Variants in CFAP299 observed in about 807,000 individuals in gnomAD.
CFAP299 encodes cilia- and flagella-associated protein 299.
Under a neutral mutation model 27.0 loss-of-function variants are expected in CFAP299, and 21 were observed. That is an observed-to-expected ratio of 0.78 (90% CI 0.55 to 1.12). The LOEUF (loss-of-function observed/expected upper bound fraction) is 1.12. Among genes scored for constraint, CFAP299 ranks in the 50% most tolerant of loss-of-function variants. The pLI is 0.00. For synonymous variants in CFAP299, 104 were observed against 98.1 expected, an observed-to-expected ratio of 1.06 and a Z score of -0.36; for missense variants, 310 against 276.6, an observed-to-expected ratio of 1.12 and a Z score of -0.86.
At chr4:80,553,776 C>A (rs998582829) in intron 2 of CFAP299, among the ~76,000 whole-genome samples, 1 of 152,034 alleles carries the variant, frequency 6.6e-6, no homozygotes, top group Non-Finnish European at 1.5e-5. Context: ...TTTTCATATG[C>A]TTGTTGGCTG....
At chr4:80,535,277 A>G (rs1481214878) in intron 2 of CFAP299, among the ~76,000 whole-genome samples, 1 of 152,116 alleles carries the variant, frequency 6.6e-6, no homozygotes, top group Non-Finnish European at 1.5e-5. Flanking sequence ...GATACCTGAA[A>G]GGGGACCCTT....
intron 4 of CFAP299, among the ~76,000 whole-genome samples, chr4:80,912,423 C>T (rs545660253): frequency 4.6e-5 from 7 of 152,214 alleles, no homozygotes; most frequent in African/African-American, 1.7e-4. Context: ...CCTTGGAGAA[C>T]ACCTCACCAT....
chr4:80,762,788 G>A (rs1725609625), intron 3 of CFAP299, among the ~76,000 whole-genome samples: 1 of 152,036 alleles, frequency 6.6e-6, no homozygotes, highest in Non-Finnish European at 1.5e-5. Context: ...ATTTTCCCAG[G>A]GCAGCCAGCA....
chr4:80,537,833 C>CA (rs70944787), intron 2 of CFAP299, among the ~76,000 whole-genome samples: 16,361 of 145,946 alleles, frequency 0.11, 1,063 homozygotes, highest in Middle Eastern at 0.2. Context: ...ATGTTCTCTC[C>CA]AAAAAAAAAA....
rs1037834327 is a variant in CFAP299, at chr4:80,458,093, GT to G, written c.242+95212del. On this transcript the variant is annotated intron_variant, in intron 2 of 5. Coordinates refer to ENST00000358105, the MANE Select transcript of CFAP299 (RefSeq NM_152770.3). ...GCTCTGAATGCTCAGTTTTTAGCCCGTTTATACTCCAGAAAAAAAAGAAAGA... is the reference window on the plus strand; with the variant it reads ...GCTCTGAATGCTCAGTTTTTAGCCCGTTATACTCCAGAAAAAAAAGAAAGA... Among the ~76,000 whole-genome samples the G allele has an allele frequency of 4.9e-4, 75 of 151,648 alleles. 1 individual carries two copies. Among genetic ancestry groups the G allele is most frequent in the African/African-American group, 1.7e-3 (72 of 41,318 alleles).
Position 80,695,840 on chromosome 4 carries a change from T to C in CFAP299, c.333+112657T>C, listed in dbSNP as rs563382814. Reference sequence around the variant, plus strand: ...CAGGATAACTTTTGTATTTTTTTAATAGAGATAAGATTTCACTGTGTTGCC... The same window carrying C: ...CAGGATAACTTTTGTATTTTTTTAACAGAGATAAGATTTCACTGTGTTGCC... On this transcript the variant is annotated intron_variant, in intron 3 of 5. Coordinates refer to ENST00000358105, the MANE Select transcript of CFAP299 (RefSeq NM_152770.3). Among the ~76,000 whole-genome samples the C allele has an allele frequency of 4.3e-4, 65 of 152,140 alleles. 4 individuals are homozygous for C. The South Asian group carries it at 0.011, about 26-fold the overall frequency.
At chr4:80,833,929 A>G (rs1267562116) in intron 3 of CFAP299, among the ~76,000 whole-genome samples, 1 of 152,240 alleles carries the variant, frequency 6.6e-6, no homozygotes, top group African/African-American at 2.4e-5. Flanking sequence ...TGGAAGCTAA[A>G]GAGACCATTC....
chr4:80,451,407 C>G (rs111686545), intron 2 of CFAP299, among the ~76,000 whole-genome samples: 2 of 152,190 alleles, frequency 1.3e-5, no homozygotes, highest in African/African-American at 4.8e-5. Context: ...TCAACAAACA[C>G]ATGAATTTTG....
At chr4:80,836,217 C>G (rs897287353) in intron 3 of CFAP299, among the ~76,000 whole-genome samples, 4 of 152,152 alleles carry the variant, frequency 2.6e-5, no homozygotes, top group Non-Finnish European at 4.4e-5. Context: ...TTGAATAACA[C>G]TTTCTAATAC....
chr4:80,644,755 C>T (rs1037305579), intron 3 of CFAP299, among the ~76,000 whole-genome samples: 1 of 152,122 alleles, frequency 6.6e-6, no homozygotes, highest in Non-Finnish European at 1.5e-5. Context: ...AAGCTGCTGC[C>T]TCTGGAATTG....
intron 2 of CFAP299, among the ~76,000 whole-genome samples, chr4:80,463,651 C>G (rs1455720471): frequency 6.6e-6 from 1 of 152,058 alleles, no homozygotes; most frequent in Non-Finnish European, 1.5e-5. Context: ...CTCACATGGT[C>G]TCTTCTAAAA....
intron 2 of CFAP299, among the ~76,000 whole-genome samples, chr4:80,552,864 T>A (rs1202005082): frequency 6.6e-6 from 1 of 152,034 alleles, no homozygotes; most frequent in Non-Finnish European, 1.5e-5. Context: ...ATTTTTAAAG[T>A]TTTTAGAGAT....
At chr4:80,493,094 GAC>G (rs1286838929) in intron 2 of CFAP299, among the ~76,000 whole-genome samples, 1 of 152,178 alleles carries the variant, frequency 6.6e-6, no homozygotes, top group Non-Finnish European at 1.5e-5. Context: ...AGACATGCTT[GAC>G]ACAGTCTTTT....
rs1725145315 is a variant in CFAP299, at chr4:80,388,467, C to G, written c.242+25583C>G. 2.8e-6 allele frequency: 3 copies of G among 1,066,094 alleles called. No homozygotes were observed. In the Admixed American group the frequency reaches 5.3e-5, roughly 19 times the overall value. The allele number at this position is 1,066,094 out of a possible 1,614,324, so 66.0% of individuals were successfully genotyped here. On this transcript the variant is annotated intron_variant, in intron 2 of 5. Transcript: ENST00000358105. The stretch of plus-strand genomic sequence containing the variant: ...CTGTTGGTGACCAGCGAGACTGTGT[C>G]CAGGTCGGGGGCATTTCTTTGGCAC...
chr4:80,537,628 A>G (rs1176327069), intron 2 of CFAP299, among the ~76,000 whole-genome samples: 1 of 152,142 alleles, frequency 6.6e-6, no homozygotes, highest in East Asian at 1.9e-4. Flanking sequence ...GTGGAATCTA[A>G]AAGAGTTGAG....
At chr4:80,663,864 A>G (rs1251558617) in intron 3 of CFAP299, among the ~76,000 whole-genome samples, 1 of 151,876 alleles carries the variant, frequency 6.6e-6, no homozygotes, top group African/African-American at 2.4e-5. Context: ...TGTGGTTTTG[A>G]TTTGCATTTC....
chr4:80,439,517 G>T (rs1278542444), intron 2 of CFAP299, among the ~76,000 whole-genome samples: 1 of 152,232 alleles, frequency 6.6e-6, no homozygotes, highest in Non-Finnish European at 1.5e-5. Flanking sequence ...ATACGGCCCA[G>T]ATACTATGCT....
chr4:80,657,277 G>A (rs2109976933), intron 3 of CFAP299, among the ~76,000 whole-genome samples: 1 of 152,170 alleles, frequency 6.6e-6, no homozygotes, highest in East Asian at 1.9e-4. Flanking sequence ...ATTGCTTTTG[G>A]TGTTTTAGTC....
intron 5 of CFAP299, among the ~76,000 whole-genome samples, chr4:80,949,320 T>TA (rs1222770665): frequency 6.6e-6 from 1 of 152,122 alleles, no homozygotes; most frequent in African/African-American, 2.4e-5. Context: ...CAGAAAATGA[T>TA]ACATTGCACA....
Sources: allele counts gnomAD v4.1 joint callset (sites outside exome capture counted in the v4.1 genomes callset), GRCh38; gene constraint gnomAD v4.1.1; transcripts MANE v1.5; gene names NCBI Gene and HGNC (gene_info 2026-07-23, HGNC 2026-07-21).